The following KCTD8 variants were observed in gnomAD, a reference collection of about 807,000 sequenced individuals.
KCTD8 encodes the protein BTB/POZ domain-containing protein KCTD8.
Under a neutral mutation model 31.5 loss-of-function variants are expected in KCTD8, and 27 were observed. That is an observed-to-expected ratio of 0.86 (90% CI 0.63 to 1.18). The LOEUF (loss-of-function observed/expected upper bound fraction) is 1.18, where lower values mean the gene tolerates loss of function less well. KCTD8 is among the 50% of genes most tolerant of loss of function. The pLI is 0.00. For missense variants in KCTD8, 658 were observed against 647.7 expected (o/e 1.02, Z -0.17); for synonymous variants, 290 against 280.0 (o/e 1.04, Z -0.36).
intron 1 of KCTD8, among the ~76,000 whole-genome samples, chr4:44,408,913 G>A (rs1411138930): frequency 7.9e-5 from 12 of 151,760 alleles, no homozygotes; most frequent in Admixed American, 3.9e-4. Context: ...CACTGCGCCC[G>A]GCCTAGTATT....
chr4:44,380,219 C>G (rs1560440474), intron 1 of KCTD8, among the ~76,000 whole-genome samples: 1 of 151,774 alleles, frequency 6.6e-6, no homozygotes, highest in Admixed American at 6.6e-5. Context: ...ACCATCCTTC[C>G]TTATAAGACC....
At chr4:44,388,540 T>G (rs558359966) in intron 1 of KCTD8, among the ~76,000 whole-genome samples, 12 of 152,004 alleles carry the variant, frequency 7.9e-5, no homozygotes, top group Admixed American at 5.3e-4. Flanking sequence ...AGCAATGAGA[T>G]CATGTCCTTT....
intron 1 of KCTD8, among the ~76,000 whole-genome samples, chr4:44,240,162 G>T (rs1319420357): frequency 6.6e-6 from 1 of 152,196 alleles, no homozygotes; most frequent in Non-Finnish European, 1.5e-5. Context: ...ACTAACAGAT[G>T]ATTTACTGAA....
intron 1 of KCTD8, among the ~76,000 whole-genome samples, chr4:44,187,218 A>G (rs1713615379): frequency 1.3e-5 from 2 of 152,250 alleles, no homozygotes; most frequent in South Asian, 4.1e-4. Context: ...GCAGAAGAAC[A>G]CTACCTCACT....
intron 1 of KCTD8, among the ~76,000 whole-genome samples, chr4:44,296,159 G>A (rs1270518357): frequency 6.6e-6 from 1 of 152,102 alleles, no homozygotes; most frequent in Admixed American, 6.6e-5. Context: ...ATTTTGTTTT[G>A]AAATCTAGAC....
chr4:44,224,358 T>C (rs1301540408), intron 1 of KCTD8, among the ~76,000 whole-genome samples: 1 of 152,208 alleles, frequency 6.6e-6, no homozygotes, highest in African/African-American at 2.4e-5. Flanking sequence ...TCCACCAACA[T>C]GCAGAAAACT....
At chr4:44,434,536 G>A (rs1227527068) in intron 1 of KCTD8, among the ~76,000 whole-genome samples, 1 of 151,858 alleles carries the variant, frequency 6.6e-6, no homozygotes, top group Non-Finnish European at 1.5e-5. Context: ...GTCATAAGAT[G>A]TCTATACTCA....
intron 1 of KCTD8, among the ~76,000 whole-genome samples, chr4:44,417,714 T>A (rs1721112065): frequency 2.0e-5 from 3 of 152,118 alleles, no homozygotes; most frequent in South Asian, 2.1e-4. Context: ...CTAAATAAGT[T>A]GGCATTAGCC....
chr4:44,311,111 A>G (rs1410519968), intron 1 of KCTD8, among the ~76,000 whole-genome samples: 1 of 152,054 alleles, frequency 6.6e-6, no homozygotes, highest in Non-Finnish European at 1.5e-5. Flanking sequence ...AAATTTGTCT[A>G]TAAATAACAA....
chr4:44,438,465 G>A (rs1721733921), intron 1 of KCTD8, among the ~76,000 whole-genome samples: 1 of 152,126 alleles, frequency 6.6e-6, no homozygotes, highest in Non-Finnish European at 1.5e-5. Context: ...TTGCCCCAGA[G>A]TTTGAGACAA....
At chr4:44,323,979 C>G (rs1718375268) in intron 1 of KCTD8, among the ~76,000 whole-genome samples, 1 of 148,956 alleles carries the variant, frequency 6.7e-6, no homozygotes, top group African/African-American at 2.5e-5. Flanking sequence ...ACCAGCATGG[C>G]ACATGTATAC....
At chr4:44,357,763 T>C (rs747981317) in intron 1 of KCTD8, among the ~76,000 whole-genome samples, 1 of 152,074 alleles carries the variant, frequency 6.6e-6, no homozygotes, top group Non-Finnish European at 1.5e-5. Context: ...AGATTTTTTT[T>C]CATACATTGT....
intron 1 of KCTD8, among the ~76,000 whole-genome samples, chr4:44,365,263 A>G (rs1719601442): frequency 6.6e-6 from 1 of 152,052 alleles, no homozygotes; most frequent in Admixed American, 6.6e-5. Context: ...CTTTTCAATA[A>G]AAAAAATTGT....
At chr4:44,320,865 T>A (rs895993224) in intron 1 of KCTD8, among the ~76,000 whole-genome samples, 7 of 149,516 alleles carry the variant, frequency 4.7e-5, no homozygotes, top group African/African-American at 1.7e-4. Flanking sequence ...TCTTTGCTAA[T>A]GCACTTTGGT....
At chr4:44,207,332 G>A (rs567300771) in intron 1 of KCTD8, among the ~76,000 whole-genome samples, 69 of 152,146 alleles carry the variant, frequency 4.5e-4, no homozygotes, top group African/African-American at 1.6e-3. Flanking sequence ...GTTCTACCCT[G>A]GCCATCCTAT....
At chr4:44,405,947 G>A (rs768809898) in intron 1 of KCTD8, among the ~76,000 whole-genome samples, 1 of 151,806 alleles carries the variant, frequency 6.6e-6, no homozygotes, top group Non-Finnish European at 1.5e-5. Context: ...GGGTACCCAT[G>A]CTAGAAGACT....
At position 44,216,381 on chromosome 4, in the gene KCTD8, C is replaced by G. The variant is rs1714652521; in HGVS notation, c.962-41131G>C. On this transcript the variant is annotated intron_variant, in intron 1 of 1. Coordinates refer to ENST00000360029, the MANE Select transcript of KCTD8 (RefSeq NM_198353.3). Reference sequence around the variant, plus strand: ...TAAATAACAGTAACAATCATAAGGGCAAATAAGATCCTATTTTCTAACCCC... The same window carrying G: ...TAAATAACAGTAACAATCATAAGGGGAAATAAGATCCTATTTTCTAACCCC... 2.6e-5 allele frequency among the ~76,000 whole-genome samples: 4 copies of G among 151,992 alleles called. No homozygotes were observed. In the South Asian group the frequency reaches 8.3e-4, roughly 32 times the overall value.
rs535558235 is a variant in KCTD8, at chr4:44,364,272, A to C, written c.961+83291T>G. 2.0e-3 allele frequency among the ~76,000 whole-genome samples: 298 copies of C among 152,282 alleles called. 1 individual carries two copies. Among genetic ancestry groups the C allele is most frequent in the Middle Eastern group, 6.8e-3 (2 of 294 alleles). The stretch of plus-strand genomic sequence containing the variant: ...AAAGCCTAATTTTTTAAAGACAGTT[A>C]AAATATTTGAATAGACACCACACAC... On this transcript the variant is annotated intron_variant, in intron 1 of 1. Transcript: ENST00000360029.
chr4:44,186,977 A>C (rs1256092630), intron 1 of KCTD8, among the ~76,000 whole-genome samples: 1 of 152,166 alleles, frequency 6.6e-6, no homozygotes, highest in East Asian at 1.9e-4. Flanking sequence ...ACCCAAGTGT[A>C]ACTCAGCTTG....
Sources: gnomAD v4.1 joint callset for allele counts (sites outside exome capture counted in the v4.1 genomes callset) on GRCh38, gnomAD v4.1.1 for gene constraint, MANE v1.5 for transcripts, NCBI Gene and HGNC (gene_info 2026-07-23, HGNC 2026-07-21) for gene names.